The following ZNF804B variants were observed in gnomAD, a reference collection of about 807,000 sequenced individuals.
ZNF804B encodes the protein zinc finger protein 804B.
Under a neutral mutation model 101.4 loss-of-function variants are expected in ZNF804B, and 80 were observed. The observed-to-expected ratio is 0.79, with a 90% CI of 0.66 to 0.95. ZNF804B has a LOEUF of 0.95. ZNF804B is among the 40% of genes least tolerant of loss of function. ZNF804B has a pLI of 0.00. For synonymous variants in ZNF804B, 622 were observed against 558.8 expected (o/e 1.11, Z -1.59); for missense variants, 1,673 against 1,561.9 (o/e 1.07, Z -1.20).
At chr7:88,857,682 G>A (rs1011175406) in intron 1 of ZNF804B, among the ~76,000 whole-genome samples, 1 of 152,026 alleles carries the variant, frequency 6.6e-6, no homozygotes, top group African/African-American at 2.4e-5. Context: ...TCTACCAGAG[G>A]TACAAGGAGG....
chr7:89,235,014 A>G (rs1789258940), intron 2 of ZNF804B, among the ~76,000 whole-genome samples: 1 of 152,154 alleles, frequency 6.6e-6, no homozygotes, highest in African/African-American at 2.4e-5. Context: ...TTACACCATC[A>G]TAAACTCTCT....
At chr7:89,191,508 A>G (rs1788454880) in intron 1 of ZNF804B, among the ~76,000 whole-genome samples, 1 of 152,138 alleles carries the variant, frequency 6.6e-6, no homozygotes, top group South Asian at 2.1e-4. Context: ...CAAATTATTG[A>G]GTTTGCTATC....
At chr7:89,279,652 G>A (rs201141260) in intron 2 of ZNF804B, among the ~76,000 whole-genome samples, 259 of 152,222 alleles carry the variant, frequency 1.7e-3, no homozygotes, top group African/African-American at 5.8e-3. Context: ...GCTGGATTAC[G>A]TTTATTGATT....
At chr7:88,854,568 T>C (rs1791526521) in intron 1 of ZNF804B, among the ~76,000 whole-genome samples, 1 of 137,422 alleles carries the variant, frequency 7.3e-6, no homozygotes, top group African/African-American at 2.8e-5. Flanking sequence ...CCTTCCTTCC[T>C]TCCTTCCTTC....
At chr7:88,885,121 T>G (rs1052327764) in intron 1 of ZNF804B, among the ~76,000 whole-genome samples, 3 of 152,000 alleles carry the variant, frequency 2.0e-5, no homozygotes, top group African/African-American at 7.2e-5. Context: ...TCACCTCATA[T>G]TGGATTATTC....
chr7:88,963,923 A>C (rs1044908446), intron 1 of ZNF804B, among the ~76,000 whole-genome samples: 1 of 151,448 alleles, frequency 6.6e-6, no homozygotes, highest in Non-Finnish European at 1.5e-5. Flanking sequence ...TGAAAAGATG[A>C]TGAACATCAT....
intron 1 of ZNF804B, among the ~76,000 whole-genome samples, chr7:89,013,723 C>G (rs763141886): frequency 2.0e-5 from 3 of 152,192 alleles, no homozygotes; most frequent in Non-Finnish European, 4.4e-5. Context: ...GTTCTCCTAA[C>G]TAGCTGTAAT....
At chr7:88,786,733 T>G (rs1790308300) in intron 1 of ZNF804B, among the ~76,000 whole-genome samples, 1 of 152,126 alleles carries the variant, frequency 6.6e-6, no homozygotes, top group African/African-American at 2.4e-5. Flanking sequence ...GCTTGATAAT[T>G]CCAACAAAAA....
chr7:88,926,629 A>AAATT (rs1792804720), intron 1 of ZNF804B, among the ~76,000 whole-genome samples: 1 of 151,986 alleles, frequency 6.6e-6, no homozygotes. Context: ...GTAAATACAT[A>AAATT]AATTAATTAA....
At chr7:88,983,907 T>C (rs1290142682) in intron 1 of ZNF804B, among the ~76,000 whole-genome samples, 1 of 152,042 alleles carries the variant, frequency 6.6e-6, no homozygotes, top group East Asian at 1.9e-4. Context: ...TACTTTAATA[T>C]GCTATATCTG....
intron 1 of ZNF804B, among the ~76,000 whole-genome samples, chr7:88,852,355 T>A (rs1052712812): frequency 1.2e-4 from 19 of 152,118 alleles, no homozygotes; most frequent in African/African-American, 4.3e-4. Context: ...CTGATGTGTT[T>A]TAAGACAGCT....
At chr7:88,886,758 G>T (rs936010716) in intron 1 of ZNF804B, among the ~76,000 whole-genome samples, 1 of 151,174 alleles carries the variant, frequency 6.6e-6, no homozygotes, top group African/African-American at 2.4e-5. Flanking sequence ...CTTATGAAAA[G>T]TAAAAAACTA....
At chr7:88,970,708 A>G (rs979086960) in intron 1 of ZNF804B, among the ~76,000 whole-genome samples, 1 of 150,700 alleles carries the variant, frequency 6.6e-6, no homozygotes, top group African/African-American at 2.4e-5. Flanking sequence ...TCAGCAAACT[A>G]TCGCAAGGAC....
chr7:88,827,510 A>G (rs1480895765), intron 1 of ZNF804B, among the ~76,000 whole-genome samples: 1 of 151,590 alleles, frequency 6.6e-6, no homozygotes, highest in Non-Finnish European at 1.5e-5. Context: ...TTATGCTGCT[A>G]TTTGTCTTCA....
At position 89,116,472 on chromosome 7, in the gene ZNF804B, T is replaced by G. The variant is rs146009227; in HGVS notation, c.109-101683T>G. Among the ~76,000 whole-genome samples the G allele has an allele frequency of 2.2e-4, 34 of 152,326 alleles. 2 individuals carry two copies. In the East Asian group the frequency reaches 6.0e-3, roughly 27 times the overall value. ...TCCCTTAGAACCTCAGACAGCGTGT[T>G]TTGAGTCTTCATGAACCCTGTGAGA... On this transcript the variant is annotated intron_variant, in intron 1 of 3. Transcript: ENST00000333190.
At position 88,915,552 on chromosome 7, in the gene ZNF804B, GAATT is replaced by G. The variant is rs556862859; in HGVS notation, c.108+155473_108+155476del. On this transcript the variant is annotated intron_variant, in intron 1 of 3. Transcript: ENST00000333190. ...AAAAATATATTAGGTATGTATTAAT[GAATT>G]AATTTTCAAAAACAGAGTTTTTGCT... is the stretch of plus-strand genomic sequence containing the variant. Among the ~76,000 whole-genome samples the G allele has an allele frequency of 2.5e-3, 375 of 152,014 alleles. 2 individuals are homozygous for G. Among genetic ancestry groups the G allele is most frequent in the African/African-American group, 8.7e-3 (360 of 41,534 alleles).
chr7:88,800,735 C>T (rs60361361), intron 1 of ZNF804B, among the ~76,000 whole-genome samples: 2,777 of 124,950 alleles, frequency 0.022, 115 homozygotes, highest in African/African-American at 0.079. Flanking sequence ...TGTGTGTGTG[C>T]TTAAAGCATA....
chr7:88,835,273 G>A (rs1329952780), intron 1 of ZNF804B, among the ~76,000 whole-genome samples: 1 of 151,760 alleles, frequency 6.6e-6, no homozygotes, highest in Non-Finnish European at 1.5e-5. Context: ...GCTGGCAATA[G>A]AAGTAGCTAC....
intron 1 of ZNF804B, among the ~76,000 whole-genome samples, chr7:89,047,778 C>A (rs1344150634): frequency 2.0e-5 from 3 of 152,114 alleles, no homozygotes; most frequent in Non-Finnish European, 4.4e-5. Flanking sequence ...CATGAACACC[C>A]TCACTGCACT....
Sources: allele counts gnomAD v4.1 joint callset (sites outside exome capture counted in the v4.1 genomes callset), GRCh38; gene constraint gnomAD v4.1.1; transcripts MANE v1.5; gene names NCBI Gene and HGNC (gene_info 2026-07-23, HGNC 2026-07-21).